The following TTC1 variants were observed in gnomAD, a reference collection of about 807,000 sequenced individuals.
TTC1 encodes tetratricopeptide repeat protein 1.
A neutral mutation model predicts 37.6 loss-of-function variants in TTC1; 31 were observed. That is an observed-to-expected ratio of 0.82 (90% CI 0.62 to 1.11). The LOEUF is 1.11. Among genes scored for constraint, TTC1 ranks in the 50% most tolerant of loss-of-function variants. The pLI is 0.00. For missense variants in TTC1, 351 were observed against 339.0 expected, an observed-to-expected ratio of 1.04 and a Z score of -0.28; for synonymous variants, 127 against 122.4, an observed-to-expected ratio of 1.04 and a Z score of -0.25.
intron 5 of TTC1, among the ~76,000 whole-genome samples, chr5:160,048,139 T>G (rs1757305377): frequency 7.7e-6 from 1 of 129,434 alleles, no homozygotes; most frequent in Non-Finnish European, 1.6e-5. Context: ...TTTTTTTTTT[T>G]TTTTTTTTTT....
chr5:160,032,046 C>T (rs1211041303), intron 2 of TTC1, among the ~76,000 whole-genome samples: 1 of 152,150 alleles, frequency 6.6e-6, no homozygotes, highest in Non-Finnish European at 1.5e-5. Flanking sequence ...CTCAGGCCGG[C>T]CCGTAGCACT....
chr5:160,011,062 C>G (rs1756494339), intron 2 of TTC1, among the ~76,000 whole-genome samples: 1 of 152,124 alleles, frequency 6.6e-6, no homozygotes, highest in South Asian at 2.1e-4. Context: ...AAGAAATTTT[C>G]ATTATTTTCT....
chr5:160,026,372 GGTT>G (rs1756805241), intron 2 of TTC1, among the ~76,000 whole-genome samples: 1 of 152,106 alleles, frequency 6.6e-6, no homozygotes, highest in African/African-American at 2.4e-5. Flanking sequence ...TTGTACCTCT[GGTT>G]GTTTAAAGAA....
At chr5:160,052,548 CAAAAAAAAAA>C (rs557157232) in intron 7 of TTC1, among the ~76,000 whole-genome samples, 17 of 68,070 alleles carry the variant, frequency 2.5e-4, no homozygotes, top group South Asian at 7.3e-4. Flanking sequence ...TCTATTTTAG[CAAAAAAAAAA>C]AAAAAAAAAA....
chr5:160,033,300 T>C (rs1310146926), intron 2 of TTC1, among the ~76,000 whole-genome samples: 1 of 152,162 alleles, frequency 6.6e-6, no homozygotes, highest in Non-Finnish European at 1.5e-5. Context: ...TAAAATGAAT[T>C]GTTATTTGTA....
intron 5 of TTC1, among the ~76,000 whole-genome samples, chr5:160,044,310 A>G (rs555664048): frequency 7.2e-5 from 11 of 152,224 alleles, no homozygotes; most frequent in Non-Finnish European, 1.5e-4. Flanking sequence ...ATTCAGGGCA[A>G]GTCCATAAAG....
At chr5:160,023,195 G>A (rs1756742655) in intron 2 of TTC1, among the ~76,000 whole-genome samples, 1 of 150,376 alleles carries the variant, frequency 6.6e-6, no homozygotes, top group Non-Finnish European at 1.5e-5. Context: ...GGCGGAGGTT[G>A]CAATGAACTG....
intron 5 of TTC1, among the ~76,000 whole-genome samples, chr5:160,045,221 G>C (rs1288406631): frequency 2.0e-5 from 3 of 152,146 alleles, no homozygotes; most frequent in Non-Finnish European, 4.4e-5. Context: ...ATATGAAACA[G>C]TTTACTTCCA....
intron 2 of TTC1, 138 bp from the exon 3 acceptor site, chr5:160,035,002 A>C: frequency 1.7e-6 from 1 of 593,014 alleles, no homozygotes; most frequent in Middle Eastern, 3.3e-4. Context: ...TCACTGTACA[A>C]GGTTTTGGTG....
chr5:160,029,971 G>T (rs1405073559), intron 2 of TTC1, among the ~76,000 whole-genome samples: 1 of 152,152 alleles, frequency 6.6e-6, no homozygotes. Context: ...AGGTCTGAGG[G>T]CCAAAAAGCG....
In TTC1 at chr5:160,010,612, T is replaced by G; in HGVS notation, c.84T>G (p.Cys28Trp). 1 of 1,614,110 alleles carries G rather than the reference T, an allele frequency of 6.2e-7. No individual in the cohort carries two copies. Among genetic ancestry groups the G allele is most frequent in the Non-Finnish European group, 8.5e-7 (1 of 1,180,036 alleles). ...LKVTDTQEAE[C>W]AGPPVPDPKN... Reference sequence around the variant, plus strand: ...TTACAGATACTCAGGAAGCCGAGTGTGCTGGCCCTCCAGTTCCTGATCCCA... The same window carrying G: ...TTACAGATACTCAGGAAGCCGAGTGGGCTGGCCCTCCAGTTCCTGATCCCA... Residue 28 changes from cysteine (C) to tryptophan (W), a missense_variant, in exon 2 of 8, where the codon TGT becomes TGG. By Grantham distance (215) the Cys-to-Trp change is radical. Transcript: ENST00000231238.
intron 2 of TTC1, among the ~76,000 whole-genome samples, chr5:160,013,983 G>A (rs968354505): frequency 6.6e-6 from 1 of 152,136 alleles, no homozygotes; most frequent in South Asian, 2.1e-4. Flanking sequence ...CATGCAGTAT[G>A]GTAGCTGCTG....
intron 2 of TTC1, among the ~76,000 whole-genome samples, chr5:160,029,472 C>CA (rs1756867433): frequency 7.2e-6 from 1 of 138,994 alleles, no homozygotes; most frequent in Non-Finnish European, 1.5e-5. Context: ...TGAGACCCCC[C>CA]CATCTCTACA....
intron 7 of TTC1, among the ~76,000 whole-genome samples, chr5:160,060,241 T>G (rs1757661501): frequency 6.6e-6 from 1 of 152,244 alleles, no homozygotes; most frequent in Admixed American, 6.5e-5. Context: ...AAACACAGCA[T>G]TCCTGGTTAT....
In TTC1 at chr5:160,023,659, C is replaced by G. The variant is rs1368830862; in HGVS notation, c.331-11481C>G. Reference sequence around the variant, plus strand: ...ACACAGGTGACTAAGCTTCCAAATACAAGGCTCAATGGGGACAAAGCCGTG... The same window carrying G: ...ACACAGGTGACTAAGCTTCCAAATAGAAGGCTCAATGGGGACAAAGCCGTG... On this transcript the variant is annotated intron_variant, in intron 2 of 7. Coordinates refer to ENST00000231238, the MANE Select transcript of TTC1 (RefSeq NM_003314.3). 3.2e-6 allele frequency: 4 copies of G among 1,232,272 alleles called. No homozygotes were observed. The African/African-American group carries it at 4.6e-5, about 14-fold the overall frequency. The allele number at this position is 1,232,272 out of a possible 1,614,324, so 76.3% of individuals were successfully genotyped here. A position where few individuals can be genotyped will look rare whatever the true frequency, so the allele number is the denominator to read the frequency against.
chr5:160,033,497 T>G (rs903514222), intron 2 of TTC1, among the ~76,000 whole-genome samples: 2 of 152,226 alleles, frequency 1.3e-5, no homozygotes, highest in African/African-American at 4.8e-5. Flanking sequence ...AAGAATGTTT[T>G]TATTTTGGTT....
At chr5:160,053,353 G>A (rs1757454366) in intron 7 of TTC1, among the ~76,000 whole-genome samples, 1 of 152,134 alleles carries the variant, frequency 6.6e-6, no homozygotes, top group South Asian at 2.1e-4. Context: ...AGCAATTTGG[G>A]AGGCTGAGCC....
At chr5:160,047,996 C>A (rs547669833) in intron 5 of TTC1, among the ~76,000 whole-genome samples, 26 of 151,994 alleles carry the variant, frequency 1.7e-4, no homozygotes, top group Non-Finnish European at 2.1e-4. Flanking sequence ...TCTTGTTTCC[C>A]ACTATAGCCC....
intron 2 of TTC1, among the ~76,000 whole-genome samples, chr5:160,026,860 G>T (rs1440031694): frequency 6.6e-6 from 1 of 151,292 alleles, no homozygotes; most frequent in East Asian, 1.9e-4. Flanking sequence ...CTTTATTCCT[G>T]TTTTTTACTG....
Sources: gnomAD v4.1 joint callset for allele counts (sites outside exome capture counted in the v4.1 genomes callset) on GRCh38, gnomAD v4.1.1 for gene constraint, MANE v1.5 for transcripts, NCBI Gene and HGNC (gene_info 2026-07-23, HGNC 2026-07-21) for gene names.